DOT1L: variants seen among roughly 807,000 people sequenced by gnomAD.
DOT1L encodes the protein DOT1 like histone lysine methyltransferase.
DOT1L carries 33 observed loss-of-function variants against 153.3 expected under a neutral mutation model. The observed-to-expected ratio is 0.22, with a 90% CI of 0.16 to 0.29. The LOEUF (loss-of-function observed/expected upper bound fraction) is 0.29. Among genes scored for constraint, DOT1L ranks in the 10% least tolerant of loss-of-function variants. The pLI, the probability that DOT1L is intolerant of heterozygous loss-of-function variation, is 1.00. For missense variants in DOT1L, 1,847 were observed against 2,119.9 expected, an observed-to-expected ratio of 0.87 and a Z score of 2.53; for synonymous variants, 1,135 against 965.1, an observed-to-expected ratio of 1.18 and a Z score of -3.26.
chr19:2,172,706 T>C (rs1340753298), intron 1 of DOT1L, among the ~76,000 whole-genome samples: 1 of 151,968 alleles, frequency 6.6e-6, no homozygotes, highest in African/African-American at 2.4e-5. Context: ...GGTTTCACCA[T>C]GTTAATCAGG....
chr19:2,226,574 G>A lies in DOT1L; in HGVS notation c.4053G>A (p.Leu1351=). The change falls in exon 27 of 28, where the codon CTG becomes CTA. Residue 1351 remains leucine, a synonymous_variant. Coordinates refer to ENST00000398665, the MANE Select transcript of DOT1L (RefSeq NM_032482.3). ...GPEAAGLSSP[L]SFPSQRGKEG... is the part of the protein sequence containing the mutation. ...AGGCGGCCGGCCTGAGCTCCCCGCT[G>A]AGCTTCCCCTCGCAGCGCGGCAAGG... The A allele has an allele frequency of 6.2e-7, 1 of 1,600,676 alleles. No individual in the cohort carries two copies. The highest frequency in any genetic ancestry group is 8.5e-7 in the Non-Finnish European group (1 of 1,178,534).
At chr19:2,206,090 C>T (rs2023480089) in intron 9 of DOT1L, among the ~76,000 whole-genome samples, 1 of 147,936 alleles carries the variant, frequency 6.8e-6, no homozygotes, top group Non-Finnish European at 1.5e-5. Context: ...TTCCACCTCC[C>T]AGGTTCAAGT....
Position 2,226,924 on chromosome 19 carries a change from TC to T in DOT1L, c.4406del (p.Pro1469ArgfsTer49), listed in dbSNP as rs1315794933. ...AQTHRSFLGP[F>X]PPGPQFALGP... is the part of the protein sequence containing the mutation. ...ACGCACCGGTCCTTCCTGGGCCCCT[TC>T]CCGCCGGGACCGCAGTTCGCGCTCG... On this transcript the variant is annotated frameshift_variant, in exon 27 of 28. Transcript: ENST00000398665. LOFTEE classifies it high-confidence loss of function. 1 of 1,580,794 alleles carries T rather than the reference TC, an allele frequency of 6.3e-7. No homozygotes were observed. The highest frequency in any genetic ancestry group is 8.5e-7 in the Non-Finnish European group (1 of 1,172,216).
chr19:2,210,035 G>A (rs1484444435), intron 12 of DOT1L, among the ~76,000 whole-genome samples: 1 of 152,210 alleles, frequency 6.6e-6, no homozygotes, highest in Non-Finnish European at 1.5e-5. Flanking sequence ...AGGAGAGAGG[G>A]CAGGGGAGGC....
At chr19:2,223,734 TGAG>T (rs1599618987) in intron 25 of DOT1L, among the ~76,000 whole-genome samples, 1 of 152,094 alleles carries the variant, frequency 6.6e-6, no homozygotes, top group African/African-American at 2.4e-5. Flanking sequence ...AGAGGCAAGC[TGAG>T]GAGGAGCTGA....
rs143083777 is a variant in DOT1L at position 2,188,080 on chromosome 19, C to A, written c.201-1652C>A. The A allele has an allele frequency of 7.6e-3, 1,164 of 152,452 alleles. 10 individuals carry two copies. The highest frequency in any genetic ancestry group is 0.011 in the Admixed American group (176 of 15,308). 9.4% of individuals were successfully genotyped at this position (152,452 alleles called of 1,614,324 possible). ...GCACCACCTGGGCTCCTTCCACCCC[C>A]GTGTCCTTCGTCCTCCGGAGGATCC... On this transcript the variant is annotated intron_variant, in intron 3 of 27. Transcript: ENST00000398665.
rs979112713 is a variant in DOT1L at position 2,229,942 on chromosome 19, C to T, written c.*150C>T. 52 of 1,373,666 alleles carry T rather than the reference C, an allele frequency of 3.8e-5. No individual in the cohort carries two copies. Among genetic ancestry groups the T allele is most frequent in the South Asian group, 3.4e-4 (29 of 84,532 alleles). 85.1% of individuals were successfully genotyped at this position (1,373,666 alleles called of 1,614,324 possible). A position where few individuals can be genotyped will look rare whatever the true frequency, so the allele number is the denominator to read the frequency against. ...TCCACTGTGAATCGGCGGCACGCGC[C>T]GCAGGAGGCTGGGACTGGTCCAGTT... On this transcript the variant is annotated 3_prime_UTR_variant, in exon 28 of 28. Transcript: ENST00000398665.
At position 2,203,552 on chromosome 19, in the gene DOT1L, C is replaced by T. The variant is rs145731586; in HGVS notation, c.787+773C>T. ...TCTCAGCTGTTTTGTTTTCTCCCTC[C>T]GGAGAAAGGTCACCAGGCCCATGCA... On this transcript the variant is annotated intron_variant, in intron 9 of 27. Coordinates refer to ENST00000398665, the MANE Select transcript of DOT1L (RefSeq NM_032482.3). 1.4e-4 allele frequency among the ~76,000 whole-genome samples: 22 copies of T among 152,332 alleles called. No individual in the cohort carries two copies. The East Asian group carries it at 3.5e-3, about 24-fold the overall frequency.
intron 1 of DOT1L, among the ~76,000 whole-genome samples, chr19:2,178,776 A>G (rs1436052191): frequency 6.6e-6 from 1 of 152,126 alleles, no homozygotes; most frequent in African/African-American, 2.4e-5. Context: ...CTTGTTAGCC[A>G]GGATGGTCTC....
intron 8 of DOT1L, among the ~76,000 whole-genome samples, chr19:2,200,889 ATTC>A (rs1012194790): frequency 7.4e-6 from 1 of 134,606 alleles, no homozygotes; most frequent in East Asian, 2.3e-4. Flanking sequence ...TCCTCCCCGC[ATTC>A]TTCATCCTCC....
chr19:2,170,068 A>T (rs1211506190), intron 1 of DOT1L, among the ~76,000 whole-genome samples: 1 of 152,062 alleles, frequency 6.6e-6, no homozygotes, highest in Non-Finnish European at 1.5e-5. Context: ...CGAGAGGGGG[A>T]GGCTGCAGTG....
chr19:2,229,694 G>A lies in DOT1L; in HGVS notation c.4607-91G>A, dbSNP rs79111351. On this transcript the variant is annotated intron_variant, in intron 27 of 27. Transcript: ENST00000398665. ...GCCCCAGGTGGCGTGTGTGCTCGTG[G>A]GAGGCCTCGGTCCCCAGCCTGGGTG... is the stretch of plus-strand genomic sequence containing the variant. 1,930 of 1,607,264 alleles carry A rather than the reference G, an allele frequency of 1.2e-3. 53 individuals are homozygous for A. In the East Asian group the frequency reaches 0.038, roughly 32 times the overall value.
intron 3 of DOT1L, 122 bp downstream of exon 3, chr19:2,186,051 T>G: frequency 1.0e-6 from 1 of 980,478 alleles, no homozygotes; most frequent in East Asian, 2.4e-5. Flanking sequence ...AAATTTCCTT[T>G]TAGAGTTGGC....
At chr19:2,225,636 C>T (rs2024295644) in intron 26 of DOT1L, among the ~76,000 whole-genome samples, 184 bp downstream of exon 26, 1 of 152,042 alleles carries the variant, frequency 6.6e-6, no homozygotes, top group East Asian at 1.9e-4. Flanking sequence ...ACACTGGGGG[C>T]GCTGGGCTTC....
rs566169129 is a variant in DOT1L, at chr19:2,207,418, G to A, written c.857-156G>A. On this transcript the variant is annotated intron_variant, in intron 10 of 27. Coordinates refer to ENST00000398665, the MANE Select transcript of DOT1L (RefSeq NM_032482.3). The surrounding 1 kb of genome is among the most constrained non-coding windows in gnomAD (Gnocchi z 4.5). The stretch of plus-strand genomic sequence containing the variant: ...GTTGAATGGTGCACCTCCCTGGGCC[G>A]GCCTCTGTGGGCCACTGTGGCCTGA... 1.3e-5 allele frequency among the ~76,000 whole-genome samples: 2 copies of A among 152,296 alleles called. No individual in the cohort carries two copies. Among genetic ancestry groups the A allele is most frequent in the South Asian group, 2.1e-4 (1 of 4,826 alleles).
chr19:2,168,121 C>T (rs1233650704), intron 1 of DOT1L, among the ~76,000 whole-genome samples: 1 of 152,092 alleles, frequency 6.6e-6, no homozygotes, highest in Non-Finnish European at 1.5e-5. Flanking sequence ...GGACAACAAG[C>T]CAATATTCTC....
chr19:2,230,307 A>T lies in DOT1L; in HGVS notation c.*515A>T. ...TACCAAAGGCAGGCCCGTCGCCACC[A>T]CATTCCTCGGAGGCCTCCCCGCGGC... On this transcript the variant is annotated 3_prime_UTR_variant, in exon 28 of 28. Coordinates refer to ENST00000398665, the MANE Select transcript of DOT1L (RefSeq NM_032482.3). The T allele has an allele frequency of 2.4e-6, 1 of 414,834 alleles. No homozygotes were observed. The highest frequency in any genetic ancestry group is 4.2e-6 in the Non-Finnish European group (1 of 236,306). 25.7% of individuals were successfully genotyped at this position (414,834 alleles called of 1,614,324 possible).
At chr19:2,194,001 C>T (rs1016039051) in intron 6 of DOT1L, among the ~76,000 whole-genome samples, 4 of 152,270 alleles carry the variant, frequency 2.6e-5, no homozygotes, top group East Asian at 1.9e-4. Context: ...CCTGTCCAAG[C>T]GCTGCAGGGG....
rs555930878 is a variant in DOT1L, at chr19:2,198,824, C to T, written c.652-1060C>T. On this transcript the variant is annotated intron_variant, in intron 7 of 27. Transcript: ENST00000398665. ...CACACACTGCGTGGCCCTCTGTGTC[C>T]GGCGTCTCTCACTGAGCGTGGCGTC... 1.2e-4 allele frequency among the ~76,000 whole-genome samples: 18 copies of T among 152,292 alleles called. No homozygotes were observed. The East Asian group carries it at 1.7e-3, about 15-fold the overall frequency.
Sources: gnomAD v4.1 joint callset for allele counts (sites outside exome capture counted in the v4.1 genomes callset) on GRCh38, gnomAD v4.1.1 for gene constraint, Gnocchi (gnomAD v3.1) non-coding constraint, MANE v1.5 for transcripts, NCBI Gene and HGNC (gene_info 2026-07-23, HGNC 2026-07-21) for gene names.